PTPN9: variants seen among roughly 807,000 people sequenced by gnomAD.
PTPN9 encodes protein tyrosine phosphatase non-receptor type 9, also known as tyrosine-protein phosphatase non-receptor type 9.
Under a neutral mutation model 69.8 loss-of-function variants are expected in PTPN9, and 26 were observed. The ratio of observed to expected loss-of-function variants is 0.37; its 90% CI spans 0.27 to 0.52. The LOEUF (loss-of-function observed/expected upper bound fraction) is 0.52, where lower values mean the gene tolerates loss of function less well. Among genes scored for constraint, PTPN9 ranks in the 20% least tolerant of loss-of-function variants. The probability of loss-of-function intolerance (pLI) is 0.91; values close to 1 mark genes in which losing one functional copy is unlikely to be tolerated. For synonymous variants in PTPN9, 274 were observed against 272.5 expected, an observed-to-expected ratio of 1.01 and a Z score of -0.05; for missense variants, 549 against 740.3, an observed-to-expected ratio of 0.74 and a Z score of 3.00.
chr15:75,547,253 C>A (rs1400823483), intron 1 of PTPN9, among the ~76,000 whole-genome samples: 2 of 139,064 alleles, frequency 1.4e-5, no homozygotes, highest in Non-Finnish European at 3.0e-5. Context: ...TGAGATAGCA[C>A]CACTGCACTT....
chr15:75,527,027 T>C lies in PTPN9; in HGVS notation c.207+91A>G. 6 of 1,491,394 alleles carry C rather than the reference T, an allele frequency of 4.0e-6. No homozygotes were observed. In the Admixed American group the frequency reaches 1.1e-4, roughly 26 times the overall value. The allele number at this position is 1,491,394 out of a possible 1,614,324, so 92.4% of individuals were successfully genotyped here. A position where few individuals can be genotyped will look rare whatever the true frequency, so the allele number is the denominator to read the frequency against. On this transcript the variant is annotated intron_variant, in intron 2 of 12. Transcript: ENST00000618819. Reference sequence around the variant, plus strand: ...TTTTATGAAAGTGAGGAGGAACACTTAGAGAACCAATGTGTGTGTCGAGCA... The same window carrying C: ...TTTTATGAAAGTGAGGAGGAACACTCAGAGAACCAATGTGTGTGTCGAGCA...
At chr15:75,572,629 C>T (rs977865801) in intron 1 of PTPN9, among the ~76,000 whole-genome samples, 7 of 151,968 alleles carry the variant, frequency 4.6e-5, no homozygotes, top group Non-Finnish European at 8.8e-5. Context: ...ACAGGAGAAT[C>T]GCTTGAACCC....
intron 1 of PTPN9, among the ~76,000 whole-genome samples, chr15:75,564,189 G>T (rs1006218988): frequency 3.3e-5 from 5 of 151,426 alleles, no homozygotes; most frequent in African/African-American, 9.7e-5. Flanking sequence ...GGGCTCAATC[G>T]ATCCTCCTGC....
chr15:75,501,189 C>T (rs2074770605), intron 7 of PTPN9, among the ~76,000 whole-genome samples: 1 of 152,094 alleles, frequency 6.6e-6, no homozygotes, highest in African/African-American at 2.4e-5. Context: ...GCATCTTATT[C>T]AGAACACACT....
chr15:75,470,151 A>G, intron 11 of PTPN9, 152 bp from the exon 12 acceptor site: 1 of 730,948 alleles, frequency 1.4e-6, no homozygotes, highest in Non-Finnish European at 2.2e-6. Context: ...CTTCTTTACT[A>G]CAAACCCAAA....
At chr15:75,528,818 C>T (rs571709726) in intron 1 of PTPN9, among the ~76,000 whole-genome samples, 17 of 151,970 alleles carry the variant, frequency 1.1e-4, no homozygotes, top group Admixed American at 9.2e-4. Context: ...CTCCTGTCCC[C>T]GCCTTCCGAG....
chr15:75,472,719 C>T (rs1464950410), intron 10 of PTPN9, among the ~76,000 whole-genome samples: 5 of 144,634 alleles, frequency 3.5e-5, no homozygotes, highest in East Asian at 2.0e-4. Context: ...GCAAGGGTTG[C>T]GGTGAACTGA....
chr15:75,546,144 G>A lies in PTPN9; in HGVS notation c.64-18883C>T, dbSNP rs1002592084. ...AGTAAGTAATTCAGATCTCAAGAGG[G>A]GAAGTGGAATGACAGCACATCCCAA... On this transcript the variant is annotated intron_variant, in intron 1 of 12. Coordinates refer to ENST00000618819, the MANE Select transcript of PTPN9 (RefSeq NM_002833.4). Among the ~76,000 whole-genome samples, 9 of 152,158 alleles carry A rather than the reference G, an allele frequency of 5.9e-5. No homozygotes were observed. In the South Asian group the frequency reaches 1.2e-3, roughly 21 times the overall value.
At position 75,578,846 on chromosome 15, in the gene PTPN9, G is replaced by T; in HGVS notation, c.-70C>A. On this transcript the variant is annotated 5_prime_UTR_variant, in exon 1 of 13. Coordinates refer to ENST00000618819, the MANE Select transcript of PTPN9 (RefSeq NM_002833.4). ...CGGGAGCCCGGCGCGCTCGGCCTCC[G>T]CTTCCGCGTCCCCGCGCCTCAGCAG... 2 of 1,065,896 alleles carry T rather than the reference G, an allele frequency of 1.9e-6. No individual in the cohort carries two copies. The highest frequency in any genetic ancestry group is 2.4e-6 in the Non-Finnish European group (2 of 849,790). The allele number at this position is 1,065,896 out of a possible 1,614,324, so 66.0% of individuals were successfully genotyped here. A position where few individuals can be genotyped will look rare whatever the true frequency, so the allele number is the denominator to read the frequency against.
At chr15:75,523,394 AAG>A (rs2074913582) in intron 3 of PTPN9, 149 bp from the exon 4 acceptor site, 3 of 877,910 alleles carry the variant, frequency 3.4e-6, no homozygotes, top group Non-Finnish European at 5.2e-6. Flanking sequence ...GTCCAAAGGG[AAG>A]AGTGTTAATA....
At chr15:75,578,361 C>A (rs1482865234) in intron 1 of PTPN9, among the ~76,000 whole-genome samples, 1 of 152,210 alleles carries the variant, frequency 6.6e-6, no homozygotes, top group African/African-American at 2.4e-5. Flanking sequence ...AAAACATTTA[C>A]AAGGGAGTGG....
At chr15:75,560,050 G>A (rs2075097677) in intron 1 of PTPN9, among the ~76,000 whole-genome samples, 1 of 151,104 alleles carries the variant, frequency 6.6e-6, no homozygotes, top group Admixed American at 6.6e-5. Flanking sequence ...TGAGGCAGGA[G>A]AATTGCTTGA....
In PTPN9 at chr15:75,562,126, TA is replaced by T. The variant is rs2075106426; in HGVS notation, c.63+16587del. Among the ~76,000 whole-genome samples, 6 of 152,176 alleles carry T rather than the reference TA, an allele frequency of 3.9e-5. No homozygotes were observed. The South Asian group carries it at 1.2e-3, about 31-fold the overall frequency. ...CCTTGGCTTCCCACAGTACTGGGAT[TA>T]CAGGCATGACCCACTGCGCCTGGCC... On this transcript the variant is annotated intron_variant, in intron 1 of 12. Coordinates refer to ENST00000618819, the MANE Select transcript of PTPN9 (RefSeq NM_002833.4).
intron 7 of PTPN9, among the ~76,000 whole-genome samples, chr15:75,504,366 C>T (rs1311534851): frequency 2.4e-5 from 3 of 122,450 alleles, no homozygotes; most frequent in African/African-American, 9.6e-5. Flanking sequence ...CCAGCCACCC[C>T]GTCCGGGAGG....
chr15:75,554,225 GCT>G (rs2075067598), intron 1 of PTPN9, among the ~76,000 whole-genome samples: 1 of 147,938 alleles, frequency 6.8e-6, no homozygotes, highest in Admixed American at 6.8e-5. Flanking sequence ...ATAGAATTTC[GCT>G]CTTATTGCCC....
At chr15:75,548,977 G>T (rs1488045226) in intron 1 of PTPN9, among the ~76,000 whole-genome samples, 1 of 151,212 alleles carries the variant, frequency 6.6e-6, no homozygotes, top group African/African-American at 2.4e-5. Flanking sequence ...AAGAAAAATA[G>T]AAACAGGGTC....
intron 10 of PTPN9, among the ~76,000 whole-genome samples, chr15:75,471,523 A>G (rs2074565055): frequency 6.7e-6 from 1 of 149,000 alleles, no homozygotes; most frequent in Admixed American, 6.7e-5. Flanking sequence ...GGATTGCTTG[A>G]ATCCAGGAGG....
rs35383952 is a variant in PTPN9 at position 75,506,334 on chromosome 15, C to CT, written c.640-332dup. 7.2e-4 allele frequency among the ~76,000 whole-genome samples: 110 copies of CT among 152,166 alleles called. No homozygotes were observed. In the South Asian group the frequency reaches 0.022, roughly 30 times the overall value. On this transcript the variant is annotated intron_variant, in intron 6 of 12. Transcript: ENST00000618819. Reference sequence around the variant, plus strand: ...CCCAGCATCGCTGCATGCTGGTACTCTTTTTTTGGCCACTAAGAATGCATA... The same window carrying CT: ...CCCAGCATCGCTGCATGCTGGTACTCTTTTTTTTGGCCACTAAGAATGCATA...
intron 7 of PTPN9, among the ~76,000 whole-genome samples, chr15:75,503,904 T>G (rs1320861852): frequency 3.4e-4 from 24 of 71,268 alleles, no homozygotes; most frequent in South Asian, 4.7e-4. Context: ...GGGAGGGAGG[T>G]GGGGTCAGCC....
Sources: allele counts gnomAD v4.1 joint callset (sites outside exome capture counted in the v4.1 genomes callset), GRCh38; gene constraint gnomAD v4.1.1; transcripts MANE v1.5; gene names NCBI Gene and HGNC (gene_info 2026-07-23, HGNC 2026-07-21).